The following ADAMTS12 variants were observed in gnomAD, a reference collection of about 807,000 sequenced individuals.
ADAMTS12 encodes ADAM metallopeptidase with thrombospondin type 1 motif 12, also known as A disintegrin and metalloproteinase with thrombospondin motifs 12.
In ADAMTS12, 118 loss-of-function variants were observed where a neutral mutation model predicts 167.8. The observed-to-expected ratio is 0.70, with a 90% CI of 0.61 to 0.82. The LOEUF (loss-of-function observed/expected upper bound fraction) is 0.82. Among genes scored for constraint, ADAMTS12 ranks in the 40% least tolerant of loss-of-function variants. The probability of loss-of-function intolerance (pLI) is 0.00; values close to 1 mark genes in which losing one functional copy is unlikely to be tolerated. For missense variants in ADAMTS12, 1,916 were observed against 1,998.8 expected, an observed-to-expected ratio of 0.96 and a Z score of 0.79; for synonymous variants, 704 against 716.9, an observed-to-expected ratio of 0.98 and a Z score of 0.29.
At chr5:33,545,707 T>C (rs1373847350) in intron 22 of ADAMTS12, among the ~76,000 whole-genome samples, 1 of 152,120 alleles carries the variant, frequency 6.6e-6, no homozygotes, top group Non-Finnish European at 1.5e-5. Context: ...TCATGTCCTT[T>C]GTAGGGACAT....
chr5:33,839,956 C>T (rs75848042), intron 2 of ADAMTS12, among the ~76,000 whole-genome samples: 2,486 of 152,238 alleles, frequency 0.016, 72 homozygotes, highest in African/African-American at 0.057. Context: ...AAAAAGAAGA[C>T]GGTTTGGGCA....
rs553400753 is a variant in ADAMTS12, at chr5:33,545,044, A to C, written c.4446+1015T>G. Reference sequence around the variant, plus strand: ...TTAAACTAAGGAGCTTCTGCATGGCAAACAAAACACCATCAGAGTGAACAG... The same window carrying C: ...TTAAACTAAGGAGCTTCTGCATGGCCAACAAAACACCATCAGAGTGAACAG... On this transcript the variant is annotated intron_variant, in intron 22 of 23. Coordinates refer to ENST00000504830, the MANE Select transcript of ADAMTS12 (RefSeq NM_030955.4). 1.6e-4 allele frequency among the ~76,000 whole-genome samples: 25 copies of C among 152,360 alleles called. No homozygotes were observed. The South Asian group carries it at 5.0e-3, about 30-fold the overall frequency.
intron 21 of ADAMTS12, 98 bp from the exon 22 acceptor site, chr5:33,546,300 G>T: frequency 6.1e-6 from 7 of 1,151,260 alleles, no homozygotes; most frequent in African/African-American, 1.6e-5. Context: ...TATGTACAGT[G>T]TTACTAGGAA....
chr5:33,539,985 A>G (rs992183484), intron 22 of ADAMTS12, among the ~76,000 whole-genome samples: 1 of 152,162 alleles, frequency 6.6e-6, no homozygotes, highest in Admixed American at 6.5e-5. Flanking sequence ...ATGGAGGGCG[A>G]GCGGAAGCAG....
At chr5:33,662,142 C>T in intron 5 of ADAMTS12, 102 bp from the exon 6 acceptor site, 1 of 1,457,306 alleles carries the variant, frequency 6.9e-7, no homozygotes, top group Non-Finnish European at 9.3e-7. Context: ...GAGATGAATT[C>T]AGGGTGGGTG....
chr5:33,853,453 A>T (rs927849574), intron 2 of ADAMTS12, among the ~76,000 whole-genome samples: 1 of 152,210 alleles, frequency 6.6e-6, no homozygotes, highest in Non-Finnish European at 1.5e-5. Flanking sequence ...TATCCATGCC[A>T]AAGACACAGA....
At chr5:33,591,355 C>A (rs1747628822) in intron 17 of ADAMTS12, among the ~76,000 whole-genome samples, 1 of 152,158 alleles carries the variant, frequency 6.6e-6, no homozygotes, top group African/African-American at 2.4e-5. Flanking sequence ...TCTTTCTAAC[C>A]TTCATTACTC....
At position 33,881,198 on chromosome 5, in the gene ADAMTS12, G is replaced by C. The variant is rs879122725; in HGVS notation, c.410C>G (p.Pro137Arg). 1 of 1,613,994 alleles carries C rather than the reference G, an allele frequency of 6.2e-7. No homozygotes were observed. Among genetic ancestry groups the C allele is most frequent in the Non-Finnish European group, 8.5e-7 (1 of 1,180,026 alleles). Residue 137 changes from proline to arginine, a missense_variant, in exon 2 of 24, where the codon CCC (proline) becomes CGC (arginine). Physicochemically the swap from Pro to Arg is moderately radical, Grantham distance 103. Coordinates refer to ENST00000504830, the MANE Select transcript of ADAMTS12 (RefSeq NM_030955.4). ...AACCGTGCCACTGAGATGGCAGAGGGGGGCAGAGGAAGCCATCATCTTAAC... is the reference window on the plus strand; with the variant it reads ...AACCGTGCCACTGAGATGGCAGAGGCGGGCAGAGGAAGCCATCATCTTAAC... ...SHVKMMASSA[P>R]LCHLSGTVLQ...
intron 2 of ADAMTS12, among the ~76,000 whole-genome samples, chr5:33,810,767 C>G (rs1465493556): frequency 6.6e-6 from 1 of 152,192 alleles, no homozygotes; most frequent in Non-Finnish European, 1.5e-5. Context: ...TCTCAGGACT[C>G]AGAATAAAGC....
At chr5:33,602,970 G>A (rs10472872) in intron 16 of ADAMTS12, among the ~76,000 whole-genome samples, 84,351 of 152,020 alleles carry the variant, frequency 0.55, 23,490 homozygotes, top group Middle Eastern at 0.63. Flanking sequence ...AAGGGAGAAT[G>A]ACTTAACTCC....
At chr5:33,633,023 T>A (rs1258191244) in intron 12 of ADAMTS12, among the ~76,000 whole-genome samples, 2 of 151,756 alleles carry the variant, frequency 1.3e-5, no homozygotes, top group African/African-American at 2.4e-5. Flanking sequence ...ACTCAGTGCA[T>A]CAAGTTGCAG....
rs148311380 is a variant in ADAMTS12, at chr5:33,891,768, G to A, written c.89C>T (p.Pro30Leu). ...NFGALCYGRQ[P>L]QPGPVRFPDR... Reference sequence around the variant, plus strand: ...CGGGAAGCGAACCGGGCCTGGCTGAGGCTGTCTCCCATAGCAAAGCGCCCC... The same window carrying A: ...CGGGAAGCGAACCGGGCCTGGCTGAAGCTGTCTCCCATAGCAAAGCGCCCC... Residue 30 changes from proline to leucine, a missense_variant, in exon 1 of 24, where the codon CCT becomes CTT. Physicochemically the swap from Pro to Leu is moderately conservative, Grantham distance 98 (BLOSUM62 -3). Transcript: ENST00000504830. 1 of 1,614,240 alleles carries A rather than the reference G, an allele frequency of 6.2e-7. No homozygotes were observed. Among genetic ancestry groups the A allele is most frequent in the African/African-American group, 1.3e-5 (1 of 75,066 alleles).
At chr5:33,547,324 C>T (rs774881817) in intron 21 of ADAMTS12, among the ~76,000 whole-genome samples, 4 of 152,214 alleles carry the variant, frequency 2.6e-5, no homozygotes, top group Admixed American at 2.6e-4. Flanking sequence ...CCTCAGATCC[C>T]CTGAATTGGC....
chr5:33,644,120 AT>A (rs1344697682), intron 9 of ADAMTS12, among the ~76,000 whole-genome samples: 1 of 152,126 alleles, frequency 6.6e-6, no homozygotes, highest in Non-Finnish European at 1.5e-5. Context: ...CTATCCACTT[AT>A]TGTGTTCTAC....
intron 2 of ADAMTS12, among the ~76,000 whole-genome samples, chr5:33,764,760 A>G (rs902605398): frequency 2.0e-4 from 30 of 152,210 alleles, no homozygotes; most frequent in African/African-American, 7.2e-4. Context: ...ATATATAGTG[A>G]CAACATTGAA....
chr5:33,681,924 A>T lies in ADAMTS12; in HGVS notation c.915+1094T>A, dbSNP rs78116490. On this transcript the variant is annotated intron_variant, in intron 5 of 23. Transcript: ENST00000504830. ...CAGCAAGAAATTTTGAATTTGTTCT[A>T]AAAAAAACCCAGAAAGACATTAAAG... Among the ~76,000 whole-genome samples the T allele has an allele frequency of 5.4e-3, 820 of 152,194 alleles. 4 individuals carry two copies. Among genetic ancestry groups the T allele is most frequent in the African/African-American group, 0.019 (783 of 41,522 alleles).
intron 3 of ADAMTS12, among the ~76,000 whole-genome samples, chr5:33,698,921 C>A (rs1049772478): frequency 3.3e-5 from 5 of 152,268 alleles, no homozygotes; most frequent in East Asian, 1.9e-4. Flanking sequence ...CTTTGGGAGG[C>A]CAAGGTGGGT....
At chr5:33,765,826 A>G (rs1300932463) in intron 2 of ADAMTS12, among the ~76,000 whole-genome samples, 1 of 152,230 alleles carries the variant, frequency 6.6e-6, no homozygotes, top group Non-Finnish European at 1.5e-5. Flanking sequence ...GGTTATCTCT[A>G]TGTGACACAC....
chr5:33,822,934 A>C (rs1179971300), intron 2 of ADAMTS12, among the ~76,000 whole-genome samples: 1 of 151,928 alleles, frequency 6.6e-6, no homozygotes, highest in Non-Finnish European at 1.5e-5. Context: ...AAATAGAAGA[A>C]TTAAAAAATT....
Sources: gnomAD v4.1 joint callset for allele counts (sites outside exome capture counted in the v4.1 genomes callset) on GRCh38, gnomAD v4.1.1 for gene constraint, MANE v1.5 for transcripts, NCBI Gene and HGNC (gene_info 2026-07-23, HGNC 2026-07-21) for gene names.